PLCL1: variants seen among roughly 807,000 people sequenced by gnomAD.
PLCL1 encodes the protein inactive phospholipase C-like protein 1.
Under a neutral mutation model 84.4 loss-of-function variants are expected in PLCL1, and 41 were observed. The ratio of observed to expected loss-of-function variants is 0.49; its 90% CI spans 0.38 to 0.63. PLCL1 has a LOEUF of 0.63. Among genes scored for constraint, PLCL1 ranks in the 30% least tolerant of loss-of-function variants. The pLI, the probability that PLCL1 is intolerant of heterozygous loss-of-function variation, is 0.00. For missense variants in PLCL1, 1,206 were observed against 1,367.8 expected, an observed-to-expected ratio of 0.88 and a Z score of 1.87; for synonymous variants, 490 against 488.3, an observed-to-expected ratio of 1.00 and a Z score of -0.05.
chr2:197,943,854 G>T (rs1401090), intron 1 of PLCL1, among the ~76,000 whole-genome samples: 4 of 151,822 alleles, frequency 2.6e-5, no homozygotes. Context: ...ACAGTGTTCT[G>T]TGTGGTCAAA....
intron 3 of PLCL1, among the ~76,000 whole-genome samples, chr2:198,100,508 C>A (rs1444684749): frequency 6.6e-6 from 1 of 151,968 alleles, no homozygotes; most frequent in Admixed American, 6.6e-5. Flanking sequence ...GGAGGAGGAA[C>A]AAGTAGGGTG....
At chr2:198,021,025 G>T (rs1248698989) in intron 1 of PLCL1, among the ~76,000 whole-genome samples, 2 of 152,138 alleles carry the variant, frequency 1.3e-5, no homozygotes, top group African/African-American at 4.8e-5. Context: ...AAATGCAAAA[G>T]AATGGAAATC....
chr2:197,923,960 G>A lies in PLCL1; in HGVS notation c.240+118621G>A, dbSNP rs1375836483. ...CACTCGCGGTTAGGGGCTGGAGACCGGCCCGGCCAACACAGCGAAACCCCG... is the reference window on the plus strand; with the variant it reads ...CACTCGCGGTTAGGGGCTGGAGACCAGCCCGGCCAACACAGCGAAACCCCG... On this transcript the variant is annotated intron_variant, in intron 1 of 5. Coordinates refer to ENST00000428675, the MANE Select transcript of PLCL1 (RefSeq NM_006226.4). 7.2e-5 allele frequency among the ~76,000 whole-genome samples: 11 copies of A among 151,834 alleles called. No individual in the cohort carries two copies. The East Asian group carries it at 7.8e-4, about 11-fold the overall frequency.
intron 1 of PLCL1, among the ~76,000 whole-genome samples, chr2:198,055,792 A>G (rs1434144573): frequency 1.3e-5 from 2 of 152,200 alleles, no homozygotes; most frequent in East Asian, 3.9e-4. Flanking sequence ...TGAAAGCTCC[A>G]GTGCTGTCAT....
intron 1 of PLCL1, among the ~76,000 whole-genome samples, chr2:197,960,284 A>G (rs1245160231): frequency 6.6e-6 from 1 of 152,096 alleles, no homozygotes; most frequent in Non-Finnish European, 1.5e-5. Flanking sequence ...GAAGCTGCTA[A>G]TTTTGCATGG....
intron 1 of PLCL1, among the ~76,000 whole-genome samples, chr2:197,978,287 T>G (rs1359091036): frequency 6.6e-6 from 1 of 152,048 alleles, no homozygotes; most frequent in African/African-American, 2.4e-5. Flanking sequence ...CCATCCTGGC[T>G]AACACGGTGA....
intron 1 of PLCL1, among the ~76,000 whole-genome samples, chr2:197,893,048 CA>C (rs1688060310): frequency 6.6e-6 from 1 of 152,142 alleles, no homozygotes; most frequent in Non-Finnish European, 1.5e-5. Flanking sequence ...GGAACTTTCA[CA>C]GAATAAGAGG....
intron 1 of PLCL1, among the ~76,000 whole-genome samples, chr2:197,879,576 T>A (rs965172451): frequency 9.2e-5 from 14 of 152,202 alleles, no homozygotes; most frequent in Non-Finnish European, 2.1e-4. Context: ...ATGATTTCTT[T>A]ATGCTTTGGA....
At chr2:198,108,299 A>G (rs1160048461) in intron 5 of PLCL1, among the ~76,000 whole-genome samples, 1 of 151,898 alleles carries the variant, frequency 6.6e-6, no homozygotes, top group African/African-American at 2.4e-5. Flanking sequence ...GCCTACTGAA[A>G]AAGTTTCCTT....
At chr2:198,091,560 A>G (rs1199336688) in intron 3 of PLCL1, among the ~76,000 whole-genome samples, 2 of 151,858 alleles carry the variant, frequency 1.3e-5, no homozygotes, top group Non-Finnish European at 2.9e-5. Context: ...CCCGCCTGTA[A>G]TCCCAGCTAC....
At chr2:197,811,061 T>G (rs1448021497) in intron 1 of PLCL1, among the ~76,000 whole-genome samples, 1 of 152,212 alleles carries the variant, frequency 6.6e-6, no homozygotes, top group Non-Finnish European at 1.5e-5. Flanking sequence ...TCTTAGTGTT[T>G]TAATAATGTA....
At chr2:197,994,896 A>G (rs116205167) in intron 1 of PLCL1, among the ~76,000 whole-genome samples, 1,731 of 152,286 alleles carry the variant, frequency 0.011, 39 homozygotes, top group African/African-American at 0.039. Context: ...CAGTTTTCTT[A>G]TCTAATCAGA....
intron 5 of PLCL1, among the ~76,000 whole-genome samples, chr2:198,127,993 T>G (rs903081231): frequency 1.3e-5 from 2 of 152,166 alleles, no homozygotes; most frequent in East Asian, 1.9e-4. Context: ...AAAGCGGCTC[T>G]AAAATAAGGA....
At chr2:197,892,218 G>A (rs1028311687) in intron 1 of PLCL1, among the ~76,000 whole-genome samples, 4 of 152,130 alleles carry the variant, frequency 2.6e-5, no homozygotes, top group African/African-American at 4.8e-5. Flanking sequence ...TGAAAAATGC[G>A]GCTGGGTGCG....
At chr2:198,072,188 CTTG>C (rs1489424807) in intron 1 of PLCL1, among the ~76,000 whole-genome samples, 8 of 151,768 alleles carry the variant, frequency 5.3e-5, no homozygotes, top group East Asian at 3.9e-4. Flanking sequence ...TTGCACATAT[CTTG>C]TTAAGTTTAT....
At chr2:197,866,368 G>T (rs947964889) in intron 1 of PLCL1, among the ~76,000 whole-genome samples, 5 of 151,564 alleles carry the variant, frequency 3.3e-5, no homozygotes, top group African/African-American at 1.2e-4. Context: ...AAAAGAATTA[G>T]TTATGTTTCC....
At chr2:198,069,904 C>G (rs1037897027) in intron 1 of PLCL1, among the ~76,000 whole-genome samples, 7 of 151,866 alleles carry the variant, frequency 4.6e-5, no homozygotes, top group South Asian at 4.2e-4. Flanking sequence ...AGATAAGGAC[C>G]CTCTATTAAA....
chr2:197,913,367 C>G (rs1365546954), intron 1 of PLCL1, among the ~76,000 whole-genome samples: 6 of 152,174 alleles, frequency 3.9e-5, no homozygotes, highest in African/African-American at 1.2e-4. Context: ...ATCACTAAAG[C>G]CTTTTTAGCA....
chr2:198,037,583 C>G (rs1691576747), intron 1 of PLCL1, among the ~76,000 whole-genome samples: 1 of 152,170 alleles, frequency 6.6e-6, no homozygotes, highest in Admixed American at 6.5e-5. Flanking sequence ...TTAACTGACA[C>G]TCAGCATTCT....
Sources: gnomAD v4.1 joint callset for allele counts (sites outside exome capture counted in the v4.1 genomes callset) on GRCh38, gnomAD v4.1.1 for gene constraint, MANE v1.5 for transcripts, NCBI Gene and HGNC (gene_info 2026-07-23, HGNC 2026-07-21) for gene names.